The following TLCD4 variants were observed in gnomAD, a reference collection of about 807,000 sequenced individuals.
The protein encoded by TLCD4 is TLC domain-containing protein 4.
TLCD4 carries 7 observed loss-of-function variants against 24.2 expected under a neutral mutation model. The observed-to-expected ratio is 0.29, with a 90% CI of 0.16 to 0.54. The LOEUF (loss-of-function observed/expected upper bound fraction) is 0.54. Ranked by LOEUF, TLCD4 falls within the 20% of genes least tolerant of loss-of-function variation. The pLI, the probability that TLCD4 is intolerant of heterozygous loss-of-function variation, is 0.95. For synonymous variants in TLCD4, 103 were observed against 106.4 expected (o/e 0.97, Z 0.20); for missense variants, 259 against 313.9 (o/e 0.82, Z 1.32).
chr1:95,105,893 T>TCAAAAAAAAA, the TLCD4 span, among the ~76,000 whole-genome samples: 34 of 102,878 alleles, frequency 3.3e-4, 5 homozygotes, highest in Non-Finnish European at 4.2e-4. Context: ...AGACTCCGTC[T>TCAAAAAAAAA]TAAAAAAAAA....
chr1:95,171,178 C>T (rs1678206088), intron 5 of TLCD4, among the ~76,000 whole-genome samples: 1 of 152,118 alleles, frequency 6.6e-6, no homozygotes, highest in South Asian at 2.1e-4. Context: ...TCTCGAACCT[C>T]TAGGCTCAAG....
At chr1:95,130,162 A>T (rs1557678974) in intron 1 of TLCD4, among the ~76,000 whole-genome samples, 1 of 151,182 alleles carries the variant, frequency 6.6e-6, no homozygotes, top group African/African-American at 2.4e-5. Context: ...TATTTAATTT[A>T]TTTTTTTTTG....
chr1:95,162,763 C>T (rs925096708), intron 5 of TLCD4, among the ~76,000 whole-genome samples: 1 of 152,144 alleles, frequency 6.6e-6, no homozygotes, highest in African/African-American at 2.4e-5. Context: ...ACTTATGAAG[C>T]TTAGTTTAGC....
chr1:95,136,039 G>GTTT (rs58511423), intron 1 of TLCD4, among the ~76,000 whole-genome samples: 14 of 147,220 alleles, frequency 9.5e-5, no homozygotes, highest in Middle Eastern at 7.1e-3. Flanking sequence ...AAGTTTTCAA[G>GTTT]TTTTTTTTTT....
At chr1:95,136,423 C>A (rs550082566) in intron 1 of TLCD4, among the ~76,000 whole-genome samples, 17 of 152,260 alleles carry the variant, frequency 1.1e-4, no homozygotes, top group South Asian at 4.1e-4. Context: ...TTCAGCTAAT[C>A]AAGATAATTT....
intron 5 of TLCD4, among the ~76,000 whole-genome samples, chr1:95,172,473 C>T (rs1678263330): frequency 6.6e-6 from 1 of 152,040 alleles, no homozygotes. Flanking sequence ...ATGGCTGTGC[C>T]CTAGTTGACT....
At position 95,150,212 on chromosome 1, in the gene TLCD4, G is replaced by T. The variant is rs1295730192; in HGVS notation, c.250G>T (p.Gly84Cys). 3.7e-6 allele frequency: 6 copies of T among 1,600,838 alleles called. No individual in the cohort carries two copies. Among genetic ancestry groups the T allele is most frequent in the East Asian group, 2.2e-5 (1 of 44,672 alleles). Reference protein sequence around the residue: ...EATKADPLWGGPSLANVNIAI... With the variant: ...EATKADPLWGCPSLANVNIAI... The stretch of plus-strand genomic sequence containing the variant: ...GGAACCTTTTTTTTTTTTCAGGGGT[G>T]GTCCATCACTTGCAAACGTGAATAT... The change falls in exon 4 of 7, where the codon GGT (glycine) becomes TGT (cysteine). Residue 84 changes from glycine to cysteine, a missense_variant. Physicochemically the swap from Gly to Cys is radical, Grantham distance 159 (BLOSUM62 -3). Coordinates refer to ENST00000370203, the MANE Select transcript of TLCD4 (RefSeq NM_152487.3).
At chr1:95,161,508 T>C (rs181911530) in intron 5 of TLCD4, among the ~76,000 whole-genome samples, 428 of 152,342 alleles carry the variant, frequency 2.8e-3, no homozygotes, top group Non-Finnish European at 4.7e-3. Context: ...CTCCTTCAGT[T>C]CTGCTCTGAT....
intron 1 of TLCD4, among the ~76,000 whole-genome samples, chr1:95,121,508 T>C (rs991358637): frequency 1.5e-4 from 23 of 152,256 alleles, no homozygotes; most frequent in African/African-American, 5.3e-4. Context: ...TCTCGCTTTG[T>C]CACCCAGGCT....
At chr1:95,098,134 A>T in the TLCD4 span, among the ~76,000 whole-genome samples, 1 of 152,200 alleles carries the variant, frequency 6.6e-6, no homozygotes, top group Admixed American at 6.5e-5. Context: ...AGGCCTCATA[A>T]TAGCCCTTTA....
At chr1:95,098,489 G>A in the TLCD4 span, among the ~76,000 whole-genome samples, 2 of 152,088 alleles carry the variant, frequency 1.3e-5, no homozygotes, top group Non-Finnish European at 2.9e-5. Flanking sequence ...CTGGGGACAT[G>A]CCCAGCTCCT....
chr1:95,096,848 G>A, the TLCD4 span, among the ~76,000 whole-genome samples: 3 of 152,166 alleles, frequency 2.0e-5, no homozygotes, highest in Admixed American at 1.3e-4. Context: ...CCATGTGTGC[G>A]TCTTGCAGAG....
chr1:95,099,790 T>C, the TLCD4 span, among the ~76,000 whole-genome samples: 14 of 152,118 alleles, frequency 9.2e-5, no homozygotes, highest in African/African-American at 3.4e-4. Flanking sequence ...CCAACTCTAT[T>C]AGGTATTATC....
intron 6 of TLCD4, among the ~76,000 whole-genome samples, chr1:95,182,251 A>G (rs1261717886): frequency 1.3e-5 from 2 of 150,932 alleles, no homozygotes; most frequent in Non-Finnish European, 2.9e-5. Flanking sequence ...GGCTCAAGCA[A>G]TCATAGTTTA....
intron 6 of TLCD4, among the ~76,000 whole-genome samples, chr1:95,185,774 A>G (rs557936498): frequency 1.3e-5 from 2 of 152,346 alleles, no homozygotes; most frequent in South Asian, 4.1e-4. Flanking sequence ...AATTGACTTT[A>G]TGTTATTGGT....
chr1:95,185,228 G>T (rs1678790658), intron 6 of TLCD4, among the ~76,000 whole-genome samples: 1 of 152,092 alleles, frequency 6.6e-6, no homozygotes, highest in Admixed American at 6.5e-5. Flanking sequence ...TGGATTAGCA[G>T]GAATTGAGCA....
At chr1:95,151,546 T>A (rs565224172) in intron 5 of TLCD4, 127 bp downstream of exon 5, 4 of 1,104,736 alleles carry the variant, frequency 3.6e-6, no homozygotes, top group Admixed American at 5.6e-5. Flanking sequence ...ATTCAGGGAT[T>A]GCTTTTGTGG....
intron 1 of TLCD4, among the ~76,000 whole-genome samples, chr1:95,127,208 C>A (rs1274536260): frequency 1.3e-5 from 2 of 152,120 alleles, no homozygotes; most frequent in Non-Finnish European, 2.9e-5. Flanking sequence ...TCTTAAGAAC[C>A]CAACAAGTGG....
chr1:95,095,364 G>A, the TLCD4 span, among the ~76,000 whole-genome samples: 135 of 152,026 alleles, frequency 8.9e-4, no homozygotes, highest in Non-Finnish European at 1.6e-3. Flanking sequence ...TCTGTTTCTC[G>A]GCACATTACT....
Sources: gnomAD v4.1 joint callset for allele counts (sites outside exome capture counted in the v4.1 genomes callset) on GRCh38, gnomAD v4.1.1 for gene constraint, MANE v1.5 for transcripts, NCBI Gene and HGNC (gene_info 2026-07-23, HGNC 2026-07-21) for gene names.